The following UNC79 variants were observed in gnomAD, a reference collection of about 807,000 sequenced individuals.
UNC79 encodes unc-79 subunit of NALCN channel complex, also known as protein unc-79 homolog.
In UNC79, 37 loss-of-function variants were observed where a neutral mutation model predicts 283.1. That is an observed-to-expected ratio of 0.13 (90% confidence interval 0.10 to 0.17). The LOEUF (loss-of-function observed/expected upper bound fraction) is 0.17, where lower values mean the gene tolerates loss of function less well. Ranked by LOEUF, UNC79 falls within the 10% of genes least tolerant of loss-of-function variation. The probability of loss-of-function intolerance (pLI) is 1.00; values close to 1 mark genes in which losing one functional copy is unlikely to be tolerated. For synonymous variants in UNC79, 1,107 were observed against 1,200.2 expected (o/e 0.92, Z 1.61); for missense variants, 2,272 against 3,211.1 (o/e 0.71, Z 7.07).
At position 93,474,062 on chromosome 14, in the gene UNC79, T is replaced by G. The variant is rs1035301751; in HGVS notation, c.144-27T>G. On this transcript the variant is annotated intron_variant, in intron 2 of 48. Coordinates refer to ENST00000555664, the Ensembl canonical transcript of UNC79. The surrounding 1 kb of genome is among the most constrained non-coding windows in gnomAD (Gnocchi z 4.1). The stretch of plus-strand genomic sequence containing the variant: ...TGCTGTTCTTTGTGTCTTTGTTGTC[T>G]CTTTTTTTTCTTTGTCCCCCCAACA... 15 of 1,504,854 alleles carry G rather than the reference T, an allele frequency of 1.0e-5. No homozygotes were observed. The highest frequency in any genetic ancestry group is 1.2e-5 in the Non-Finnish European group (14 of 1,129,764). The allele number at this position is 1,504,854 out of a possible 1,614,324, so 93.2% of individuals were successfully genotyped here.
In UNC79 at chr14:93,334,534, C is replaced by T. The variant is rs1413073442; in HGVS notation, c.-351+1011C>T. 3 of 152,268 alleles carry T rather than the reference C, an allele frequency of 2.0e-5. No individual in the cohort carries two copies. In the East Asian group the frequency reaches 5.8e-4, roughly 29 times the overall value. 9.4% of individuals were successfully genotyped at this position (152,268 alleles called of 1,614,324 possible). A position where few individuals can be genotyped will look rare whatever the true frequency, so the allele number is the denominator to read the frequency against. On this transcript the variant is annotated intron_variant, in intron 1 of 49. Coordinates refer to the UNC79 transcript ENST00000256339. Reference sequence around the variant, plus strand: ...GAGCCAATGATTACCTCTGAGTGTCCACCTCTTGTTCCACACTTTTATACT... The same window carrying T: ...GAGCCAATGATTACCTCTGAGTGTCTACCTCTTGTTCCACACTTTTATACT...
chr14:93,450,258 A>G (rs1362217621), intron 1 of UNC79, among the ~76,000 whole-genome samples: 2 of 152,184 alleles, frequency 1.3e-5, no homozygotes, highest in African/African-American at 2.4e-5. Flanking sequence ...CTGTGGGGGT[A>G]AAATGAGTGT....
chr14:93,646,050 C>T (rs1352889588), intron 34 of UNC79, among the ~76,000 whole-genome samples: 1 of 152,098 alleles, frequency 6.6e-6, no homozygotes, highest in Non-Finnish European at 1.5e-5. Context: ...TAGAATATTT[C>T]CACACATACA....
intron 22 of UNC79, among the ~76,000 whole-genome samples, chr14:93,592,526 T>A (rs2064771197): frequency 6.6e-6 from 1 of 152,168 alleles, no homozygotes; most frequent in African/African-American, 2.4e-5. Flanking sequence ...ATGGTTCATC[T>A]GTGAACTTTT....
At chr14:93,533,982 A>C (rs1392722626) in intron 11 of UNC79, among the ~76,000 whole-genome samples, 1 of 152,166 alleles carries the variant, frequency 6.6e-6, no homozygotes, top group African/African-American at 2.4e-5. Flanking sequence ...TTGGTAACTG[A>C]TTCTCTTGAT....
At chr14:93,344,357 C>T (rs2053779548) in intron 1 of UNC79, among the ~76,000 whole-genome samples, 1 of 151,966 alleles carries the variant, frequency 6.6e-6, no homozygotes, top group African/African-American at 2.4e-5. Flanking sequence ...TAGTTTAAGC[C>T]CAAAGCAGGA....
chr14:93,339,792 T>C (rs1343531147), intron 1 of UNC79, among the ~76,000 whole-genome samples: 1 of 152,246 alleles, frequency 6.6e-6, no homozygotes. Context: ...ACTATTTTCT[T>C]TTCTCCTGAT....
intron 1 of UNC79, among the ~76,000 whole-genome samples, chr14:93,432,128 C>T (rs118162177): frequency 0.017 from 2,649 of 152,226 alleles, 40 homozygotes; most frequent in South Asian, 0.074. Flanking sequence ...CTACTAAAGC[C>T]GGTTTTTGAG....
intron 46 of UNC79, among the ~76,000 whole-genome samples, chr14:93,692,364 TAC>T (rs758101702): frequency 2.0e-5 from 3 of 152,122 alleles, no homozygotes; most frequent in African/African-American, 4.8e-5. Flanking sequence ...AGCAAACAAG[TAC>T]AGTTATTAAT....
intron 1 of UNC79, among the ~76,000 whole-genome samples, chr14:93,414,238 C>A (rs1176017166): frequency 6.6e-6 from 1 of 152,180 alleles, no homozygotes; most frequent in Non-Finnish European, 1.5e-5. Context: ...TTTCAGCTTT[C>A]TACACATGGC....
At chr14:93,437,764 G>A (rs8016888) in intron 1 of UNC79, among the ~76,000 whole-genome samples, 18,871 of 152,042 alleles carry the variant, frequency 0.12, 1,413 homozygotes, top group African/African-American at 0.21. Flanking sequence ...GCAGCATCAC[G>A]CCAATCTCTG....
At chr14:93,500,059 A>G (rs953232967) in intron 7 of UNC79, among the ~76,000 whole-genome samples, 1 of 152,182 alleles carries the variant, frequency 6.6e-6, no homozygotes, top group African/African-American at 2.4e-5. Flanking sequence ...TTATCCTAAC[A>G]GCAAAGGGAC....
chr14:93,674,246 T>G (rs1379133078), intron 41 of UNC79, among the ~76,000 whole-genome samples: 1 of 152,020 alleles, frequency 6.6e-6, no homozygotes, highest in East Asian at 1.9e-4. Flanking sequence ...AGCATTTGAG[T>G]TGGGTCACAA....
chr14:93,377,551 G>A (rs2054586978), intron 1 of UNC79, among the ~76,000 whole-genome samples: 1 of 152,146 alleles, frequency 6.6e-6, no homozygotes, highest in African/African-American at 2.4e-5. Context: ...CAACCAGTGA[G>A]GTCTTGCAAA....
At chr14:93,620,712 C>T (rs1156599200) in intron 29 of UNC79, among the ~76,000 whole-genome samples, 180 bp from the exon 31 acceptor site, 2 of 152,216 alleles carry the variant, frequency 1.3e-5, no homozygotes, top group Non-Finnish European at 2.9e-5. Flanking sequence ...ACAGCTTGCT[C>T]TGTCCAATAG....
intron 5 of UNC79, among the ~76,000 whole-genome samples, chr14:93,492,761 C>T (rs181831966): frequency 1.9e-4 from 29 of 152,300 alleles, no homozygotes; most frequent in Non-Finnish European, 3.7e-4. Flanking sequence ...CTCTGAACAA[C>T]GTTCATATAG....
intron 22 of UNC79, among the ~76,000 whole-genome samples, chr14:93,588,964 C>T (rs113280250): frequency 4.6e-5 from 7 of 152,006 alleles, no homozygotes; most frequent in African/African-American, 9.7e-5. Flanking sequence ...GAGTTTATAA[C>T]GGCTGACTTA....
intron 7 of UNC79, among the ~76,000 whole-genome samples, chr14:93,501,340 A>G: frequency 6.6e-6 from 1 of 151,468 alleles, no homozygotes. Context: ...ATAAAAATAA[A>G]TTAAAAAAAA....
chr14:93,476,045 C>A (rs1368371716), intron 3 of UNC79, among the ~76,000 whole-genome samples: 1 of 152,168 alleles, frequency 6.6e-6, no homozygotes, highest in African/African-American at 2.4e-5. Flanking sequence ...ATCGGAATCA[C>A]TGAGGGAGTT....
Sources: gnomAD v4.1 joint callset for allele counts (sites outside exome capture counted in the v4.1 genomes callset) on GRCh38, gnomAD v4.1.1 for gene constraint, Gnocchi (gnomAD v3.1) non-coding constraint, MANE v1.5 for transcripts, NCBI Gene and HGNC (gene_info 2026-07-23, HGNC 2026-07-21) for gene names.